TVP23A: variants seen among roughly 807,000 people sequenced by gnomAD.
The protein encoded by TVP23A is Golgi apparatus membrane protein TVP23 homolog A.
Under a neutral mutation model 31.7 loss-of-function variants are expected in TVP23A, and 21 were observed. That is an observed-to-expected ratio of 0.66 (90% CI 0.47 to 0.95). TVP23A has a LOEUF of 0.95. Among genes scored for constraint, TVP23A ranks in the 40% least tolerant of loss-of-function variants. The pLI is 0.00. For synonymous variants in TVP23A, 104 were observed against 96.0 expected (o/e 1.08, Z -0.49); for missense variants, 279 against 255.6 (o/e 1.09, Z -0.62).
chr16:10,772,292 C>T (rs571830723), intron 5 of TVP23A, among the ~76,000 whole-genome samples: 83 of 152,288 alleles, frequency 5.5e-4, no homozygotes, highest in Non-Finnish European at 1.0e-3. Context: ...CGTGGTCGAG[C>T]CGGGATCCAA....
At chr16:10,806,082 C>G (rs920159036) in intron 2 of TVP23A, among the ~76,000 whole-genome samples, 4 of 152,128 alleles carry the variant, frequency 2.6e-5, no homozygotes, top group Non-Finnish European at 1.5e-5. Flanking sequence ...TGGCTCACGC[C>G]CTTAATCCCT....
chr16:10,761,342 A>G, exon 9 of TVP23A: 1 of 1,608,062 alleles, frequency 6.2e-7, no homozygotes, highest in African/African-American at 1.3e-5. Flanking sequence ...TGCTGGAATC[A>G]CTGGTCTTTT....
At position 10,767,826 on chromosome 16, in the gene TVP23A, CA is replaced by C; in HGVS notation, c.*1275del. ...CACTGGTCTTTTCTACTTTGTTCTTCATTACGAGTGAAGCGGGCTCAAGATC... is the reference window on the plus strand; with the variant it reads ...CACTGGTCTTTTCTACTTTGTTCTTCTTACGAGTGAAGCGGGCTCAAGATC... On this transcript the variant is annotated 3_prime_UTR_variant, in exon 8 of 8. Coordinates refer to ENST00000299866, the MANE Select transcript of TVP23A (RefSeq NM_001079512.4). The surrounding 1 kb of genome is among the most constrained non-coding windows in gnomAD (Gnocchi z 4.6). The C allele has an allele frequency of 1.1e-6, 1 of 871,944 alleles. No individual in the cohort carries two copies. The highest frequency in any genetic ancestry group is 2.1e-5 in the Admixed American group (1 of 48,568). The allele number at this position is 871,944 out of a possible 1,614,324, so 54.0% of individuals were successfully genotyped here.
chr16:10,769,288 G>C (rs2031355366), intron 7 of TVP23A, 187 bp from the exon 8 acceptor site: 2 of 572,120 alleles, frequency 3.5e-6, no homozygotes, highest in East Asian at 2.9e-5. Context: ...CTTTTCTTTA[G>C]AACATATATA....
chr16:10,805,040 T>TTTTC (rs1242741737), intron 2 of TVP23A, among the ~76,000 whole-genome samples: 1 of 151,938 alleles, frequency 6.6e-6, no homozygotes, highest in Non-Finnish European at 1.5e-5. Context: ...AATCTTTTCT[T>TTTTC]TTTCTTTCTT....
At chr16:10,810,466 G>A (rs1443719238) in intron 2 of TVP23A, among the ~76,000 whole-genome samples, 1 of 151,526 alleles carries the variant, frequency 6.6e-6, no homozygotes, top group Non-Finnish European at 1.5e-5. Flanking sequence ...AGGATCAATT[G>A]AGCCCGGGAG....
chr16:10,799,816 C>T (rs1036449238), intron 2 of TVP23A, among the ~76,000 whole-genome samples: 3 of 152,104 alleles, frequency 2.0e-5, no homozygotes, highest in Admixed American at 1.3e-4. Flanking sequence ...CTCACATTCA[C>T]CTTTTCAAAA....
intron 2 of TVP23A, among the ~76,000 whole-genome samples, chr16:10,813,513 G>A (rs1452533049): frequency 6.6e-6 from 1 of 152,154 alleles, no homozygotes; most frequent in Non-Finnish European, 1.5e-5. Flanking sequence ...GGAAGATGAG[G>A]CAGAGAGATC....
intron 2 of TVP23A, among the ~76,000 whole-genome samples, chr16:10,787,146 C>G (rs988939151): frequency 6.6e-6 from 1 of 152,166 alleles, no homozygotes; most frequent in African/African-American, 2.4e-5. Context: ...GGTCCAGCCC[C>G]ACGCTCCTGC....
At chr16:10,757,753 CAG>C, downstream of TVP23A, 16 of 1,248,336 alleles carry the variant, frequency 1.3e-5, no homozygotes, top group Non-Finnish European at 1.8e-5. This position sits in a 1 kb window ranked among gnomAD's most constrained non-coding sequence, Gnocchi z 4.1. Context: ...GCTTGAGCCT[CAG>C]AGTTAAGAGC....
At chr16:10,797,754 C>G (rs2033467992) in intron 2 of TVP23A, among the ~76,000 whole-genome samples, 1 of 151,456 alleles carries the variant, frequency 6.6e-6, no homozygotes, top group Non-Finnish European at 1.5e-5. Context: ...TTAGGGATAT[C>G]AAAATATGTA....
At position 10,767,978 on chromosome 16, in the gene TVP23A, T is replaced by A. The variant is rs771865092; in HGVS notation, c.*1124A>T. ...GAATTGTGACAAAGGCCAGTCTTTT[T>A]TCATTGACGCCCCAGATTCCCCAGC... On this transcript the variant is annotated 3_prime_UTR_variant, in exon 8 of 8. Transcript: ENST00000299866. The surrounding 1 kb of genome is among the most constrained non-coding windows in gnomAD (Gnocchi z 4.6). 1 of 1,614,040 alleles carries A rather than the reference T, an allele frequency of 6.2e-7. No individual in the cohort carries two copies. The highest frequency in any genetic ancestry group is 1.3e-5 in the African/African-American group (1 of 74,926).
rs908335224 is a variant in TVP23A at position 10,779,031 on chromosome 16, A to C, written c.90-3935T>G. On this transcript the variant is annotated intron_variant, in intron 2 of 7. Coordinates refer to ENST00000299866, the MANE Select transcript of TVP23A (RefSeq NM_001079512.4). The surrounding 1 kb of genome is among the most constrained non-coding windows in gnomAD (Gnocchi z 4.9). ...TGCGCTGACCCATGGTAAAATGTGG[A>C]AGTAAATGCATTCGAATAAATCCCT... 4.6e-5 allele frequency among the ~76,000 whole-genome samples: 7 copies of C among 152,206 alleles called. No individual in the cohort carries two copies. The highest frequency in any genetic ancestry group is 1.7e-4 in the African/African-American group (7 of 41,460).
intron 2 of TVP23A, among the ~76,000 whole-genome samples, chr16:10,786,236 G>A (rs1434696055): frequency 1.3e-5 from 2 of 152,152 alleles, no homozygotes; most frequent in South Asian, 2.1e-4. Context: ...ACAGGGGAAG[G>A]TGAGTTCATC....
chr16:10,794,966 A>C (rs968611282), intron 2 of TVP23A, among the ~76,000 whole-genome samples: 6 of 151,836 alleles, frequency 4.0e-5, no homozygotes, highest in African/African-American at 7.3e-5. Context: ...TGGCCTCTGA[A>C]CTCCAATCTC....
chr16:10,800,758 T>A (rs1596554828), intron 2 of TVP23A, among the ~76,000 whole-genome samples: 1 of 152,158 alleles, frequency 6.6e-6, no homozygotes, highest in East Asian at 1.9e-4. Flanking sequence ...CTGAGGTGGT[T>A]GGATCGCTTG....
downstream of TVP23A, among the ~76,000 whole-genome samples, chr16:10,763,241 G>A (rs956743088): frequency 2.6e-5 from 4 of 152,194 alleles, no homozygotes; most frequent in East Asian, 1.9e-4. Flanking sequence ...GTTCATGTCC[G>A]TGCAGTTGAG....
At chr16:10,798,220 T>A (rs764957330) in intron 2 of TVP23A, among the ~76,000 whole-genome samples, 8 of 151,928 alleles carry the variant, frequency 5.3e-5, no homozygotes, top group Non-Finnish European at 7.4e-5. Context: ...TGGCCTCCCA[T>A]AGTACTGGGA....
chr16:10,795,106 G>C (rs932304810), intron 2 of TVP23A, among the ~76,000 whole-genome samples: 1 of 152,140 alleles, frequency 6.6e-6, no homozygotes, highest in African/African-American at 2.4e-5. Flanking sequence ...ATGAGAGTCA[G>C]GTTAAGGAAG....
Sources: allele counts gnomAD v4.1 joint callset (sites outside exome capture counted in the v4.1 genomes callset), GRCh38; gene constraint gnomAD v4.1.1; non-coding constraint Gnocchi (gnomAD v3.1); transcripts MANE v1.5; gene names NCBI Gene and HGNC (gene_info 2026-07-23, HGNC 2026-07-21).